The following DIPK2B variants were observed in gnomAD, a reference collection of about 807,000 sequenced individuals.
DIPK2B encodes the protein UPF0672 protein CXorf36.
Under a neutral mutation model 22.2 loss-of-function variants are expected in DIPK2B, and 15 were observed. The observed-to-expected ratio is 0.68, with a 90% CI of 0.45 to 1.04. The LOEUF (loss-of-function observed/expected upper bound fraction) is 1.04. DIPK2B is among the 50% of genes least tolerant of loss of function. The pLI is 0.00. For synonymous variants in DIPK2B, 163 were observed against 153.2 expected (o/e 1.06, Z -0.47); for missense variants, 345 against 348.3 (o/e 0.99, Z 0.08).
chrX:45,154,289 A>C (rs867195444), intron 3 of DIPK2B, 91 bp from the exon 4 acceptor site: 11 of 569,928 alleles, frequency 1.9e-5, no homozygotes, highest in Admixed American at 4.2e-5. Flanking sequence ...CTATCTATCT[A>C]TCTATCTATC....
chrX:45,179,098 A>T (rs910719094), intron 2 of DIPK2B, among the ~76,000 whole-genome samples: 5 of 111,432 alleles, frequency 4.5e-5, no homozygotes, highest in Non-Finnish European at 9.4e-5. Flanking sequence ...ACACCTGGAA[A>T]CATTTTTAGT....
intron 2 of DIPK2B, among the ~76,000 whole-genome samples, chrX:45,170,215 G>A (rs1200563752): frequency 4.2e-5 from 4 of 96,020 alleles, no homozygotes; most frequent in South Asian, 5.2e-4. Flanking sequence ...CTGCACTCCA[G>A]CCTGGGCAAC....
intron 2 of DIPK2B, among the ~76,000 whole-genome samples, chrX:45,185,538 AC>A (rs1356863011): frequency 1.8e-5 from 2 of 110,077 alleles, no homozygotes; most frequent in Non-Finnish European, 3.8e-5. Context: ...GCCACTGGTG[AC>A]TTGTCTCATG....
rs1239644790 is a variant in DIPK2B at position 45,151,918 on chromosome X, G to C, written c.1036C>G (p.Leu346Val). The change falls in exon 5 of 5, where the codon CTG (leucine) becomes GTG (valine). Residue 346 changes from leucine to valine, a missense_variant. By Grantham distance (32) the Leu-to-Val change is conservative (BLOSUM62 1). Coordinates refer to ENST00000398000, the MANE Select transcript of DIPK2B (RefSeq NM_176819.4). ...TCAGAGATGCTTTCGCAGGAGGGCA[G>C]CTGGGCCTGGCAGCCGGAAACCAGG... Reference protein sequence around the residue: ...SCLVSGCQAQLPSCESISEKQ... With the variant: ...SCLVSGCQAQVPSCESISEKQ... 5.0e-6 allele frequency: 6 copies of C among 1,205,698 alleles called. No individual in the cohort carries two copies. Among genetic ancestry groups the C allele is most frequent in the Non-Finnish European group, 6.7e-6 (6 of 892,075 alleles).
intron 2 of DIPK2B, among the ~76,000 whole-genome samples, chrX:45,176,985 T>C (rs2047122410): frequency 9.0e-6 from 1 of 111,196 alleles, no homozygotes; most frequent in Non-Finnish European, 1.9e-5. Flanking sequence ...ACTGATATGG[T>C]TTGGATATCT....
At chrX:45,165,492 A>C (rs1399352926) in intron 2 of DIPK2B, among the ~76,000 whole-genome samples, 1 of 111,016 alleles carries the variant, frequency 9.0e-6, no homozygotes, top group African/African-American at 3.3e-5. Context: ...AGAAAGAAGA[A>C]TCAGGAGTGG....
chrX:45,199,500 C>G (rs2047256325), intron 1 of DIPK2B, among the ~76,000 whole-genome samples: 1 of 111,456 alleles, frequency 9.0e-6, no homozygotes, highest in Non-Finnish European at 1.9e-5. Flanking sequence ...TCTGTCATGC[C>G]TCCACATACA....
chrX:45,185,942 G>A (rs1055647084), intron 2 of DIPK2B, among the ~76,000 whole-genome samples: 3 of 111,367 alleles, frequency 2.7e-5, no homozygotes, highest in African/African-American at 9.8e-5. Flanking sequence ...GTGAGCCACC[G>A]CGCCCGGCCG....
chrX:45,191,683 G>A, intron 2 of DIPK2B, 68 bp downstream of exon 2: 2 of 1,100,764 alleles, frequency 1.8e-6, no homozygotes, highest in East Asian at 3.0e-5. Context: ...ATATGAGATG[G>A]GAATGAATCT....
chrX:45,185,653 CTTT>C (rs147218566), intron 2 of DIPK2B, among the ~76,000 whole-genome samples: 14 of 86,429 alleles, frequency 1.6e-4, no homozygotes, highest in Middle Eastern at 6.0e-3. Context: ...CTTTTCTTTT[CTTT>C]TTTTTTTTTT....
Position 45,151,791 on chromosome X carries a change from T to G in DIPK2B, c.1163A>C (p.Gln388Pro). ...GTCTGGGCGGATGCTGTCCCCACACTGAACAAGGATGGAGTCTATGTCGTC... is the reference window on the plus strand; with the variant it reads ...GTCTGGGCGGATGCTGTCCCCACACGGAACAAGGATGGAGTCTATGTCGTC... ...VQDDIDSILV[Q>P]CGDSIRPDPE... is the part of the protein sequence containing the mutation. The change falls in exon 5 of 5, where the codon CAG becomes CCG. Residue 388 changes from glutamine (Q) to proline (P), a missense_variant. By Grantham distance (76) the Gln-to-Pro change is moderately conservative (BLOSUM62 -1). Coordinates refer to ENST00000398000, the MANE Select transcript of DIPK2B (RefSeq NM_176819.4). The G allele has an allele frequency of 1.7e-6, 2 of 1,211,779 alleles. No individual in the cohort carries two copies. The highest frequency in any genetic ancestry group is 2.2e-6 in the Non-Finnish European group (2 of 895,430).
At chrX:45,154,805 G>A (rs1406469305) in intron 3 of DIPK2B, among the ~76,000 whole-genome samples, 1 of 110,215 alleles carries the variant, frequency 9.1e-6, no homozygotes, top group Non-Finnish European at 1.9e-5. Flanking sequence ...CTGATTTAAA[G>A]CAAAACTTTT....
intron 2 of DIPK2B, among the ~76,000 whole-genome samples, chrX:45,165,358 C>T (rs927275349): frequency 8.1e-5 from 9 of 111,632 alleles, no homozygotes; most frequent in African/African-American, 2.9e-4. Context: ...GAAAACCAGA[C>T]AATCTTCAAA....
chrX:45,197,556 G>A lies in DIPK2B; in HGVS notation c.233+3038C>T, dbSNP rs145494425. ...TGGCTGGTAATCACTTTTTTAAAGT[G>A]GGAAAATGTTTGGAGATCCAAAAGA... On this transcript the variant is annotated intron_variant, in intron 1 of 4. Transcript: ENST00000398000. 3.9e-3 allele frequency among the ~76,000 whole-genome samples: 437 copies of A among 111,635 alleles called. 2 individuals carry two copies. Among genetic ancestry groups the A allele is most frequent in the African/African-American group, 0.014 (416 of 30,684 alleles).
chrX:45,191,148 T>C (rs2047208968), intron 2 of DIPK2B, among the ~76,000 whole-genome samples: 1 of 112,271 alleles, frequency 8.9e-6, no homozygotes, highest in African/African-American at 3.2e-5. Context: ...CAATGCAGAA[T>C]ATGATGATGG....
Position 45,176,567 on chromosome X carries a change from C to T in DIPK2B, c.498+15184G>A, listed in dbSNP as rs144993399. On this transcript the variant is annotated intron_variant, in intron 2 of 4. Transcript: ENST00000398000. ...AAGAAAGTCTCCACCACAGTTAGCA[C>T]ATGTTGGGGCTCTAGATGCAGGGTA... is the stretch of plus-strand genomic sequence containing the variant. Among the ~76,000 whole-genome samples the T allele has an allele frequency of 6.6e-3, 743 of 112,018 alleles. 3 individuals carry two copies. Among genetic ancestry groups the T allele is most frequent in the Middle Eastern group, 0.051 (11 of 217 alleles).
At chrX:45,163,766 C>G (rs2073627024) in intron 2 of DIPK2B, 2 of 761,841 alleles carry the variant, frequency 2.6e-6, no homozygotes, top group Non-Finnish European at 3.1e-6. Context: ...TCCTTCAGAC[C>G]AGACCAAAAT....
At chrX:45,167,773 C>T (rs931189772) in intron 2 of DIPK2B, among the ~76,000 whole-genome samples, 1 of 111,265 alleles carries the variant, frequency 9.0e-6, no homozygotes, top group African/African-American at 3.3e-5. Context: ...CAACCTCCGC[C>T]TCCTGGGTTC....
intron 2 of DIPK2B, among the ~76,000 whole-genome samples, chrX:45,165,876 C>G (rs2047046260): frequency 9.0e-6 from 1 of 111,468 alleles, no homozygotes; most frequent in South Asian, 3.8e-4. Context: ...CCTCTGCATT[C>G]AGTACATTAG....
Sources: allele counts gnomAD v4.1 joint callset (sites outside exome capture counted in the v4.1 genomes callset), GRCh38; gene constraint gnomAD v4.1.1; transcripts MANE v1.5; gene names NCBI Gene and HGNC (gene_info 2026-07-23, HGNC 2026-07-21).